Variants in MCC observed in about 807,000 individuals in gnomAD.
The protein encoded by MCC is MCC regulator of Wnt signaling pathway.
Under a neutral mutation model 116.2 loss-of-function variants are expected in MCC, and 90 were observed. The ratio of observed to expected loss-of-function variants is 0.77; its 90% CI spans 0.65 to 0.92. The LOEUF is 0.92. Ranked by LOEUF, MCC falls within the 40% of genes least tolerant of loss-of-function variation. The pLI is 0.00. For synonymous variants in MCC, 578 were observed against 510.5 expected (o/e 1.13, Z -1.78); for missense variants, 1,516 against 1,312.2 (o/e 1.16, Z -2.40).
At chr5:113,064,683 G>T (rs6862481) in intron 13 of MCC, among the ~76,000 whole-genome samples, 2 of 151,952 alleles carry the variant, frequency 1.3e-5, no homozygotes. Flanking sequence ...GATTGGCTCT[G>T]TATTATAGGT....
chr5:113,285,418 A>C (rs1581366558), intron 3 of MCC, among the ~76,000 whole-genome samples: 1 of 145,530 alleles, frequency 6.9e-6, no homozygotes, highest in African/African-American at 2.6e-5. Context: ...GAAACTCTCC[A>C]GGGAGATCCA....
At chr5:113,123,065 A>T (rs192954068) in intron 5 of MCC, among the ~76,000 whole-genome samples, 1 of 152,342 alleles carries the variant, frequency 6.6e-6, no homozygotes, top group African/African-American at 2.4e-5. Context: ...AGATTCATCT[A>T]TCAGCCTGCA....
At chr5:113,275,535 A>C (rs1333465588) in intron 3 of MCC, among the ~76,000 whole-genome samples, 2 of 152,220 alleles carry the variant, frequency 1.3e-5, no homozygotes, top group East Asian at 3.8e-4. Flanking sequence ...TAAGCTTCCT[A>C]CATTAGATTG....
rs1159533428 is a variant in MCC at position 113,434,926 on chromosome 5, TAG to T, written c.171-49716_171-49715del. ...GCAGTGTGCTCATTTACATCCTGGA[TAG>T]AGAGTCCTTTGGGCTGGCCAGGCCT... On this transcript the variant is annotated intron_variant, in intron 1 of 18. Transcript: ENST00000408903. This position sits in a 1 kb window ranked among gnomAD's most constrained non-coding sequence, Gnocchi z 4.2. 1.3e-6 allele frequency: 2 copies of T among 1,496,390 alleles called. No individual in the cohort carries two copies. The highest frequency in any genetic ancestry group is 1.8e-6 in the Non-Finnish European group (2 of 1,114,822). 92.7% of individuals were successfully genotyped at this position (1,496,390 alleles called of 1,614,324 possible).
intron 17 of MCC, among the ~76,000 whole-genome samples, chr5:113,042,821 T>C (rs1045794470): frequency 6.6e-6 from 1 of 151,490 alleles, no homozygotes; most frequent in African/African-American, 2.4e-5. Context: ...ATTGACTATA[T>C]GTTAAAATAA....
chr5:113,283,412 C>T (rs918181782), intron 3 of MCC, among the ~76,000 whole-genome samples: 3 of 152,064 alleles, frequency 2.0e-5, no homozygotes, highest in East Asian at 1.9e-4. Context: ...CCAATAAACA[C>T]GTGAAGAGAT....
At chr5:113,197,278 A>C (rs1361535338) in intron 3 of MCC, among the ~76,000 whole-genome samples, 1 of 152,032 alleles carries the variant, frequency 6.6e-6, no homozygotes, top group Non-Finnish European at 1.5e-5. Flanking sequence ...TTTTTTTTTA[A>C]GCCCAAATAG....
chr5:113,378,181 A>G (rs775934572), intron 2 of MCC, among the ~76,000 whole-genome samples: 1 of 152,322 alleles, frequency 6.6e-6, no homozygotes, highest in South Asian at 2.1e-4. Flanking sequence ...AGGAATCAGG[A>G]TATCTCCTCA....
At chr5:113,441,089 C>T (rs10066857) in intron 1 of MCC, among the ~76,000 whole-genome samples, 4,783 of 152,308 alleles carry the variant, frequency 0.031, 119 homozygotes, top group African/African-American at 0.065. Flanking sequence ...AATCCCAACA[C>T]TTTCGGAGGC....
intron 3 of MCC, among the ~76,000 whole-genome samples, chr5:113,194,562 G>C (rs1385693937): frequency 1.3e-5 from 2 of 152,150 alleles, no homozygotes; most frequent in African/African-American, 4.8e-5. Flanking sequence ...GAAAGCTGAT[G>C]CAAGAGGATC....
chr5:113,434,563 C>T lies in MCC; in HGVS notation c.171-49351G>A, dbSNP rs373083902. ...AACTCGAGGAGGTCGCCCTGGACCG[C>T]GAGCTCCATGACGATGTAGACCTTG... On this transcript the variant is annotated intron_variant, in intron 1 of 18. Transcript: ENST00000408903. The surrounding 1 kb of genome is among the most constrained non-coding windows in gnomAD (Gnocchi z 4.2). The T allele has an allele frequency of 1.0e-4, 164 of 1,613,198 alleles. No homozygotes were observed. Among genetic ancestry groups the T allele is most frequent in the Non-Finnish European group, 1.3e-4 (158 of 1,179,554 alleles).
intron 1 of MCC, among the ~76,000 whole-genome samples, chr5:113,405,805 CA>C (rs980145078): frequency 2.2e-4 from 31 of 140,842 alleles, no homozygotes; most frequent in African/African-American, 2.1e-4. Context: ...GACCCTATCT[CA>C]AAAAAAAAAG....
chr5:113,238,654 G>GA (rs974254064), intron 3 of MCC, among the ~76,000 whole-genome samples: 2 of 152,106 alleles, frequency 1.3e-5, no homozygotes, highest in African/African-American at 4.8e-5. Flanking sequence ...CCAGAGATTA[G>GA]AAAAAAATGT....
chr5:113,425,267 AT>A (rs1770451048), intron 1 of MCC, among the ~76,000 whole-genome samples: 2 of 152,174 alleles, frequency 1.3e-5, no homozygotes, highest in African/African-American at 4.8e-5. Flanking sequence ...AGAGAAAACA[AT>A]TTCTAATCTC....
chr5:113,329,190 A>G (rs1294738158), intron 3 of MCC, among the ~76,000 whole-genome samples: 1 of 152,168 alleles, frequency 6.6e-6, no homozygotes, highest in Non-Finnish European at 1.5e-5. Flanking sequence ...GTGTACGGTA[A>G]ATCCCCAATG....
At chr5:113,475,074 C>A (rs990783110) in intron 1 of MCC, among the ~76,000 whole-genome samples, 1 of 152,208 alleles carries the variant, frequency 6.6e-6, no homozygotes, top group Non-Finnish European at 1.5e-5. Flanking sequence ...CATCTACTTT[C>A]TCACTTCCTT....
intron 9 of MCC, among the ~76,000 whole-genome samples, chr5:113,084,433 T>C (rs1561793682): frequency 6.6e-6 from 1 of 152,224 alleles, no homozygotes; most frequent in Non-Finnish European, 1.5e-5. Context: ...TTGTAGGACA[T>C]TTGTCAGCAT....
chr5:113,310,815 A>G (rs1261788541), intron 3 of MCC, among the ~76,000 whole-genome samples: 1 of 152,200 alleles, frequency 6.6e-6, no homozygotes, highest in Non-Finnish European at 1.5e-5. Context: ...TAAGGTGGGA[A>G]CCTCCTTCAA....
chr5:113,127,345 A>G (rs889388999), intron 5 of MCC, among the ~76,000 whole-genome samples: 5 of 152,180 alleles, frequency 3.3e-5, no homozygotes, highest in African/African-American at 1.2e-4. Flanking sequence ...AGAATGCTTT[A>G]TGTTCCTCTT....
Sources: gnomAD v4.1 joint callset for allele counts (sites outside exome capture counted in the v4.1 genomes callset) on GRCh38, gnomAD v4.1.1 for gene constraint, Gnocchi (gnomAD v3.1) non-coding constraint, MANE v1.5 for transcripts, NCBI Gene and HGNC (gene_info 2026-07-23, HGNC 2026-07-21) for gene names.